Variants in POPDC1 observed in about 807,000 individuals in gnomAD.
POPDC1 encodes popeye domain-containing protein 1.
the POPDC1 span, among the ~76,000 whole-genome samples, chr6:105,110,101 C>G: frequency 2.4e-4 from 37 of 152,164 alleles, no homozygotes; most frequent in Non-Finnish European, 4.6e-4. Context: ...TGAGAGAGCA[C>G]AGCCTCTACT....
the POPDC1 span, chr6:105,124,401 A>T: frequency 5.2e-6 from 3 of 580,042 alleles, no homozygotes; most frequent in Admixed American, 1.0e-4. Context: ...AAAAAAAAAA[A>T]AAAAAAAGAG....
At chr6:105,135,812 G>C in the POPDC1 span, among the ~76,000 whole-genome samples, 1 of 152,038 alleles carries the variant, frequency 6.6e-6, no homozygotes, top group Non-Finnish European at 1.5e-5. Context: ...ATATTGATCA[G>C]ATCAGTTTAC....
chr6:105,103,760 GT>G, the POPDC1 span, among the ~76,000 whole-genome samples: 14 of 152,152 alleles, frequency 9.2e-5, no homozygotes, highest in Non-Finnish European at 1.8e-4. Flanking sequence ...ACATCCTACA[GT>G]TATATTGAGG....
chr6:105,122,735 C>T, the POPDC1 span, among the ~76,000 whole-genome samples: 1 of 152,190 alleles, frequency 6.6e-6, no homozygotes, highest in African/African-American at 2.4e-5. Context: ...TGCGGCCCTG[C>T]ACGTTTGTAG....
the POPDC1 span, among the ~76,000 whole-genome samples, chr6:105,126,238 A>G: frequency 1.3e-5 from 2 of 151,632 alleles, no homozygotes; most frequent in Admixed American, 6.6e-5. Flanking sequence ...AAAAAAAATA[A>G]AAATAAAAAT....
the POPDC1 span, chr6:105,137,073 G>C: frequency 6.6e-6 from 1 of 151,972 alleles, no homozygotes; most frequent in Non-Finnish European, 1.5e-5. Flanking sequence ...CTCGACGGGA[G>C]CCCGACGCGC....
chr6:105,132,690 C>G, the POPDC1 span, among the ~76,000 whole-genome samples: 1 of 152,186 alleles, frequency 6.6e-6, no homozygotes, highest in Admixed American at 6.5e-5. Flanking sequence ...GAATCACTGG[C>G]TAATATAACA....
the POPDC1 span, among the ~76,000 whole-genome samples, chr6:105,120,421 A>G: frequency 1.3e-5 from 2 of 152,214 alleles, no homozygotes; most frequent in Non-Finnish European, 2.9e-5. Context: ...CACAACAGTC[A>G]AGCAAAGTGT....
the POPDC1 span, among the ~76,000 whole-genome samples, chr6:105,117,170 A>G: frequency 6.6e-6 from 1 of 152,206 alleles, no homozygotes. Flanking sequence ...GCATGTATTC[A>G]ACTGAGGATG....
chr6:105,107,793 G>T, the POPDC1 span, among the ~76,000 whole-genome samples: 8 of 152,288 alleles, frequency 5.3e-5, 1 homozygote, highest in African/African-American at 1.9e-4. Context: ...TGGGAATGTG[G>T]AAGGATTTAA....
the POPDC1 span, among the ~76,000 whole-genome samples, chr6:105,121,231 A>G: frequency 6.6e-6 from 1 of 152,062 alleles, no homozygotes; most frequent in Non-Finnish European, 1.5e-5. Flanking sequence ...AAACATCTAC[A>G]TAAAGAACAA....
the POPDC1 span, among the ~76,000 whole-genome samples, chr6:105,125,222 T>A: frequency 2.0e-5 from 3 of 152,238 alleles, no homozygotes; most frequent in Admixed American, 6.5e-5. Flanking sequence ...TTTAACATGT[T>A]GCTCTATAGC....
chr6:105,128,012 G>A, the POPDC1 span, among the ~76,000 whole-genome samples: 2 of 152,214 alleles, frequency 1.3e-5, no homozygotes, highest in African/African-American at 2.4e-5. Flanking sequence ...CACCCGCCTC[G>A]GCTTCCCGAA....
chr6:105,105,173 C>A, the POPDC1 span, among the ~76,000 whole-genome samples: 1 of 152,130 alleles, frequency 6.6e-6, no homozygotes, highest in Non-Finnish European at 1.5e-5. Flanking sequence ...GGCTGAGAAT[C>A]TGCAATCCCC....
the POPDC1 span, among the ~76,000 whole-genome samples, chr6:105,111,234 G>A: frequency 6.6e-6 from 1 of 152,136 alleles, no homozygotes; most frequent in Non-Finnish European, 1.5e-5. Flanking sequence ...CTAAAATACA[G>A]TTCTGTAACA....
At chr6:105,132,857 T>C in the POPDC1 span, among the ~76,000 whole-genome samples, 1 of 152,212 alleles carries the variant, frequency 6.6e-6, no homozygotes, top group Non-Finnish European at 1.5e-5. Flanking sequence ...TCTTTTCAAG[T>C]AATAATAGTT....
the POPDC1 span, among the ~76,000 whole-genome samples, chr6:105,132,447 C>A: frequency 6.6e-6 from 1 of 152,174 alleles, no homozygotes; most frequent in Non-Finnish European, 1.5e-5. Context: ...TCCTACTAAG[C>A]CTATCACCTT....
the POPDC1 span, among the ~76,000 whole-genome samples, chr6:105,118,243 C>A: frequency 6.6e-6 from 1 of 152,076 alleles, no homozygotes; most frequent in African/African-American, 2.4e-5. Flanking sequence ...GTACATCTAC[C>A]AAGACAGAAA....
chr6:105,128,180 CA>C, the POPDC1 span, among the ~76,000 whole-genome samples: 1 of 152,192 alleles, frequency 6.6e-6, no homozygotes, highest in East Asian at 1.9e-4. Context: ...TTATTGTTTC[CA>C]ATTATTCACT....
Sources: gnomAD v4.1 joint callset for allele counts (sites outside exome capture counted in the v4.1 genomes callset) on GRCh38, gnomAD v4.1.1 for gene constraint, MANE v1.5 for transcripts, NCBI Gene and HGNC (gene_info 2026-07-23, HGNC 2026-07-21) for gene names.